IGFBP7: variants seen among roughly 807,000 people sequenced by gnomAD.
IGFBP7 encodes insulin-like growth factor-binding protein 7.
IGFBP7 carries 31 observed loss-of-function variants against 29.4 expected under a neutral mutation model. The ratio of observed to expected loss-of-function variants is 1.05; its 90% CI spans 0.79 to 1.42. The LOEUF is 1.42. IGFBP7 is among the 40% of genes most tolerant of loss of function. The probability of loss-of-function intolerance (pLI) is 0.00; values close to 1 mark genes in which losing one functional copy is unlikely to be tolerated. For missense variants in IGFBP7, 393 were observed against 395.5 expected, an observed-to-expected ratio of 0.99 and a Z score of 0.05; for synonymous variants, 172 against 174.9, an observed-to-expected ratio of 0.98 and a Z score of 0.13.
At chr4:57,032,324 A>G (rs1239113809) in intron 4 of IGFBP7, 102 bp downstream of exon 4, 1 of 1,512,940 alleles carries the variant, frequency 6.6e-7, no homozygotes, top group Non-Finnish European at 8.9e-7. Flanking sequence ...CTAACTACAG[A>G]ATTTCATCAA....
At chr4:57,070,105 C>T (rs932104682) in intron 1 of IGFBP7, among the ~76,000 whole-genome samples, 9 of 151,970 alleles carry the variant, frequency 5.9e-5, no homozygotes, top group African/African-American at 1.9e-4. Flanking sequence ...CAAAAAACAC[C>T]GAAATGGAAG....
chr4:57,033,060 A>G (rs1256602147), intron 3 of IGFBP7, 135 bp downstream of exon 3: 1 of 759,582 alleles, frequency 1.3e-6, no homozygotes, highest in Non-Finnish European at 2.4e-6. Flanking sequence ...CAGCGACTCC[A>G]TGGTAAGGCT....
intron 1 of IGFBP7, among the ~76,000 whole-genome samples, chr4:57,075,659 A>G (rs966207485): frequency 2.0e-5 from 3 of 152,240 alleles, no homozygotes; most frequent in Non-Finnish European, 2.9e-5. Flanking sequence ...TAAAAAAATA[A>G]CCAAATGCCT....
chr4:57,074,255 C>A (rs1471964084), intron 1 of IGFBP7, among the ~76,000 whole-genome samples: 2 of 152,120 alleles, frequency 1.3e-5, no homozygotes, highest in Admixed American at 6.5e-5. Context: ...GAGACGGGGT[C>A]TTGCCATGTT....
intron 1 of IGFBP7, among the ~76,000 whole-genome samples, chr4:57,062,008 C>A (rs1051756322): frequency 6.6e-6 from 1 of 151,974 alleles, no homozygotes; most frequent in Admixed American, 6.6e-5. Flanking sequence ...TTTTTCCTAG[C>A]AATCTTGTGA....
At chr4:57,101,271 T>A (rs1159579834) in intron 1 of IGFBP7, among the ~76,000 whole-genome samples, 1 of 152,244 alleles carries the variant, frequency 6.6e-6, no homozygotes, top group Non-Finnish European at 1.5e-5. Flanking sequence ...GCCTTGGCCT[T>A]GTCAGTGCTC....
chr4:57,061,012 T>A (rs1578624659), intron 1 of IGFBP7, among the ~76,000 whole-genome samples: 1 of 151,488 alleles, frequency 6.6e-6, no homozygotes, highest in East Asian at 1.9e-4. Context: ...TGCCTGTGAA[T>A]AGCCACTGGA....
intron 1 of IGFBP7, among the ~76,000 whole-genome samples, chr4:57,104,876 AAG>A (rs1174687426): frequency 1.3e-5 from 2 of 152,212 alleles, no homozygotes; most frequent in East Asian, 3.8e-4. Flanking sequence ...GCCAGGAGGA[AAG>A]AGAGCAGACA....
At position 57,110,029 on chromosome 4, in the gene IGFBP7, CT is replaced by C; in HGVS notation, c.322del (p.Ser108AlafsTer55). 6.4e-7 allele frequency: 1 copy of C among 1,557,012 alleles called. No homozygotes were observed. On this transcript the variant is annotated frameshift_variant, in exon 1 of 5. Transcript: ENST00000295666. LOFTEE classifies it high-confidence loss of function. ...GCGGCTCTTGCACACGCACACGCCG[CT>C]TACACCCGGACCGCCGGCTGCTGCC... Reference protein sequence around the residue: ...AGAAAGGPGVSGVCVCKSRYP... With the variant: ...AGAAAGGPGVXGVCVCKSRYP...
chr4:57,072,716 T>C, intron 1 of IGFBP7: 1 of 440,960 alleles, frequency 2.3e-6, no homozygotes, highest in Admixed American at 2.5e-5. Context: ...GTTGGTGACC[T>C]TCACAATGCC....
intron 1 of IGFBP7, among the ~76,000 whole-genome samples, chr4:57,091,508 T>G (rs1218188690): frequency 1.3e-5 from 2 of 152,228 alleles, no homozygotes; most frequent in Non-Finnish European, 2.9e-5. Flanking sequence ...GTTGCCTAAT[T>G]TATTAATACA....
intron 1 of IGFBP7, among the ~76,000 whole-genome samples, chr4:57,045,271 G>T (rs1724331536): frequency 6.6e-6 from 1 of 152,206 alleles, no homozygotes; most frequent in South Asian, 2.1e-4. Flanking sequence ...ACTCCTGCTG[G>T]GGTGATGTAG....
At chr4:57,060,534 G>A (rs1441637806) in intron 1 of IGFBP7, among the ~76,000 whole-genome samples, 7 of 152,086 alleles carry the variant, frequency 4.6e-5, no homozygotes, top group South Asian at 4.1e-4. Context: ...TTTTGCATTC[G>A]AGCTTTCTTA....
chr4:57,109,709 C>G, intron 1 of IGFBP7, 168 bp downstream of exon 1: 1 of 794,454 alleles, frequency 1.3e-6, no homozygotes, highest in Non-Finnish European at 1.9e-6. Context: ...GCCCACCGCT[C>G]CTGGCATTCC....
At chr4:57,072,267 C>T (rs778955401) in intron 1 of IGFBP7, among the ~76,000 whole-genome samples, 50 of 152,124 alleles carry the variant, frequency 3.3e-4, no homozygotes, top group Non-Finnish European at 4.7e-4. Context: ...TCTGTTTCTA[C>T]GTTAGTTTGC....
chr4:57,038,303 A>G (rs1724132731), intron 2 of IGFBP7, among the ~76,000 whole-genome samples: 1 of 152,244 alleles, frequency 6.6e-6, no homozygotes, highest in Non-Finnish European at 1.5e-5. Flanking sequence ...AGCTGTAATA[A>G]AAATGTGAGT....
chr4:57,071,396 T>A (rs1725050995), intron 1 of IGFBP7, among the ~76,000 whole-genome samples: 1 of 152,258 alleles, frequency 6.6e-6, no homozygotes, highest in Admixed American at 6.5e-5. Context: ...CTTTTACATC[T>A]GATGTGTCTA....
In IGFBP7 at chr4:57,087,073, C is replaced by T. The variant is rs556210465; in HGVS notation, c.475+22804G>A. 9.5e-4 allele frequency among the ~76,000 whole-genome samples: 144 copies of T among 152,236 alleles called. 1 individual carries two copies. Among genetic ancestry groups the T allele is most frequent in the African/African-American group, 3.3e-3 (138 of 41,536 alleles). On this transcript the variant is annotated intron_variant, in intron 1 of 4. Coordinates refer to ENST00000295666, the MANE Select transcript of IGFBP7 (RefSeq NM_001553.3). ...TTATGAGGAGATTGAATACAGGAGACCGACACACTGTTGCTGCTTCAGCCC... is the reference window on the plus strand; with the variant it reads ...TTATGAGGAGATTGAATACAGGAGATCGACACACTGTTGCTGCTTCAGCCC...
At chr4:57,071,370 G>A (rs953237963) in intron 1 of IGFBP7, among the ~76,000 whole-genome samples, 5 of 152,206 alleles carry the variant, frequency 3.3e-5, no homozygotes, top group Admixed American at 1.3e-4. Context: ...TCTGTCAGTA[G>A]GAGGCCTATT....
Sources: gnomAD v4.1 joint callset for allele counts (sites outside exome capture counted in the v4.1 genomes callset) on GRCh38, gnomAD v4.1.1 for gene constraint, MANE v1.5 for transcripts, NCBI Gene and HGNC (gene_info 2026-07-23, HGNC 2026-07-21) for gene names.